Variants in ADGRL2 observed in about 807,000 individuals in gnomAD.
The protein encoded by ADGRL2 is calcium-independent alpha-latrotoxin receptor 2.
In ADGRL2, 44 loss-of-function variants were observed where a neutral mutation model predicts 157.4. The observed-to-expected ratio is 0.28, with a 90% CI of 0.22 to 0.36. The LOEUF (loss-of-function observed/expected upper bound fraction) is 0.36, where lower values mean the gene tolerates loss of function less well. ADGRL2 is among the 10% of genes least tolerant of loss of function. ADGRL2 has a pLI of 1.00. For missense variants in ADGRL2, 1,510 were observed against 1,768.9 expected (o/e 0.85, Z 2.63); for synonymous variants, 585 against 624.7 (o/e 0.94, Z 0.95).
intron 1 of ADGRL2, chr1:81,306,593 G>T (rs1047135817): frequency 6.6e-6 from 1 of 151,952 alleles, no homozygotes; most frequent in Non-Finnish European, 1.5e-5. Context: ...GCTTTATATT[G>T]TTGCTGGCAT....
chr1:81,981,195 T>C lies in ADGRL2; in HGVS notation c.3114-613T>C, dbSNP rs771639717. 1.3e-5 allele frequency: 4 copies of C among 306,734 alleles called. No homozygotes were observed. The East Asian group carries it at 4.0e-4, about 31-fold the overall frequency. 19.0% of individuals were successfully genotyped at this position (306,734 alleles called of 1,614,324 possible). A position where few individuals can be genotyped will look rare whatever the true frequency, so the allele number is the denominator to read the frequency against. The stretch of plus-strand genomic sequence containing the variant: ...ATGGAATGCACTGACTTTAAATCCT[T>C]CTCATTCCGTCCTATTTTCTACAGT... On this transcript the variant is annotated intron_variant, in intron 18 of 23. Coordinates refer to ENST00000686636, the MANE Select transcript of ADGRL2 (RefSeq NM_001366006.2).
rs1557743117 is a variant in ADGRL2 at position 81,506,757 on chromosome 1, A to AAAACAAAACAAAAC, written c.-248+61669_-248+61670insAACAAAACAAAACA. Among the ~76,000 whole-genome samples the AAAACAAAACAAAAC allele has an allele frequency of 2.5e-4, 33 of 131,692 alleles. 1 individual carries two copies. Among genetic ancestry groups the AAAACAAAACAAAAC allele is most frequent in the South Asian group, 2.3e-3 (9 of 3,856 alleles). 86.4% of individuals were successfully genotyped at this position (131,692 alleles called of 152,430 possible). ...CAAAACAAAACAAAACAAAACAAAA[A>AAAACAAAACAAAAC]ACCAGACAATAAATTGTTGAGTTAC... On this transcript the variant is annotated intron_variant, in intron 2 of 24. Transcript: ENST00000370721.
chr1:81,581,458 A>C (rs1409645733), intron 3 of ADGRL2, among the ~76,000 whole-genome samples: 1 of 152,208 alleles, frequency 6.6e-6, no homozygotes, highest in East Asian at 1.9e-4. Flanking sequence ...AGAAAAGGTC[A>C]TTGGGACTTA....
chr1:81,317,161 A>G (rs1239472705), intron 1 of ADGRL2, among the ~76,000 whole-genome samples: 7 of 152,104 alleles, frequency 4.6e-5, no homozygotes, highest in Non-Finnish European at 5.9e-5. Context: ...ATATGCTGCC[A>G]AACATTCTAG....
At chr1:81,852,486 A>G (rs1375150420) in intron 2 of ADGRL2, among the ~76,000 whole-genome samples, 1 of 152,158 alleles carries the variant, frequency 6.6e-6, no homozygotes, top group East Asian at 1.9e-4. Context: ...TATGTTTGTC[A>G]TTTAATAATG....
At chr1:81,665,740 T>C (rs542398593) in intron 3 of ADGRL2, among the ~76,000 whole-genome samples, 3 of 152,298 alleles carry the variant, frequency 2.0e-5, no homozygotes, top group South Asian at 4.1e-4. Context: ...TACATGGAGA[T>C]GTTCAAGGTA....
chr1:81,848,422 C>G (rs1410774042), intron 2 of ADGRL2, among the ~76,000 whole-genome samples: 1 of 151,634 alleles, frequency 6.6e-6, no homozygotes, highest in African/African-American at 2.4e-5. Context: ...GCAGATTGTT[C>G]CTTTGTCAAG....
In ADGRL2 at chr1:81,990,658, A is replaced by T; in HGVS notation, c.3923A>T (p.Asp1308Val). ...GTGATTGGAGGTAGCAGCAGTGAAG[A>T]TGATGCTATTGTGGCAGATGCTTCA... The part of the protein sequence containing the change: ...KPVIGGSSSE[D>V]DAIVADASSL... Residue 1308 changes from aspartate (D) to valine (V), a missense_variant, in exon 24 of 24, where the codon GAT (aspartate) becomes GTT (valine). By Grantham distance (152) the Asp-to-Val change is radical (BLOSUM62 -3). Coordinates refer to ENST00000686636, the MANE Select transcript of ADGRL2 (RefSeq NM_001366006.2). The T allele has an allele frequency of 1.2e-6, 2 of 1,614,200 alleles. No homozygotes were observed.
intron 17 of ADGRL2, among the ~76,000 whole-genome samples, chr1:81,977,660 T>C (rs1235379533): frequency 1.3e-5 from 2 of 151,776 alleles, no homozygotes; most frequent in Non-Finnish European, 3.0e-5. Context: ...ATTTTATACA[T>C]TGTAGTGGAT....
At chr1:81,701,358 C>T (rs2083570262) in intron 1 of ADGRL2, among the ~76,000 whole-genome samples, 1 of 152,016 alleles carries the variant, frequency 6.6e-6, no homozygotes, top group South Asian at 2.1e-4. Context: ...AAACTATATT[C>T]AAACAATATA....
intron 1 of ADGRL2, among the ~76,000 whole-genome samples, chr1:81,830,815 A>G (rs1022764164): frequency 1.3e-5 from 2 of 152,036 alleles, no homozygotes; most frequent in African/African-American, 4.8e-5. Context: ...CCAATTTTTC[A>G]TATTTATTTT....
intron 22 of ADGRL2, 92 bp downstream of exon 22, chr1:81,987,121 T>C: frequency 6.8e-7 from 1 of 1,460,010 alleles, no homozygotes; most frequent in Non-Finnish European, 9.3e-7. Context: ...AGTTGTCATA[T>C]ATTTATTGTT....
intron 1 of ADGRL2, among the ~76,000 whole-genome samples, chr1:81,423,028 A>G (rs903678595): frequency 3.3e-5 from 5 of 152,192 alleles, no homozygotes; most frequent in Admixed American, 6.5e-5. Context: ...AATCTTTCAG[A>G]GACCAACCAT....
chr1:81,594,162 C>A (rs1042751515), intron 3 of ADGRL2, among the ~76,000 whole-genome samples: 1 of 152,036 alleles, frequency 6.6e-6, no homozygotes, highest in African/African-American at 2.4e-5. Flanking sequence ...TATATCTGAT[C>A]CCCATCATCT....
At chr1:81,333,996 T>C (rs947430862) in intron 1 of ADGRL2, among the ~76,000 whole-genome samples, 1 of 152,218 alleles carries the variant, frequency 6.6e-6, no homozygotes, top group Non-Finnish European at 1.5e-5. Flanking sequence ...GCCTGGTACC[T>C]TTCAAATCTG....
At chr1:81,906,967 T>G in intron 2 of ADGRL2, 50 bp from the exon 3 acceptor site, 3 of 1,409,432 alleles carry the variant, frequency 2.1e-6, no homozygotes, top group Non-Finnish European at 3.0e-6. Flanking sequence ...CTAAAATAAT[T>G]TATCTTATAA....
chr1:81,988,985 AT>A (rs3838452), intron 23 of ADGRL2, among the ~76,000 whole-genome samples: 49,492 of 148,980 alleles, frequency 0.33, 8,737 homozygotes, highest in East Asian at 0.69. Context: ...GTAGACTGTG[AT>A]TTTTTTTTTT....
intron 1 of ADGRL2, among the ~76,000 whole-genome samples, chr1:81,714,874 G>C (rs960898942): frequency 6.8e-6 from 1 of 146,852 alleles, no homozygotes; most frequent in Non-Finnish European, 1.5e-5. Flanking sequence ...CTTTTCTTTT[G>C]TAGTTGCTTC....
intron 1 of ADGRL2, among the ~76,000 whole-genome samples, chr1:81,385,775 T>A (rs1208519085): frequency 6.6e-6 from 1 of 152,110 alleles, no homozygotes; most frequent in Non-Finnish European, 1.5e-5. Flanking sequence ...CGCTCTGCAA[T>A]ATTCATACCA....
Sources: gnomAD v4.1 joint callset for allele counts (sites outside exome capture counted in the v4.1 genomes callset) on GRCh38, gnomAD v4.1.1 for gene constraint, MANE v1.5 for transcripts, NCBI Gene and HGNC (gene_info 2026-07-23, HGNC 2026-07-21) for gene names.